Variants in TMCO4 observed in about 807,000 individuals in gnomAD.
TMCO4 encodes the protein transmembrane and coiled-coil domain-containing protein 4.
A neutral mutation model predicts 64.7 loss-of-function variants in TMCO4; 58 were observed. The ratio of observed to expected loss-of-function variants is 0.90; its 90% CI spans 0.73 to 1.12. The LOEUF (loss-of-function observed/expected upper bound fraction) is 1.12. Among genes scored for constraint, TMCO4 ranks in the 50% most tolerant of loss-of-function variants. The pLI, the probability that TMCO4 is intolerant of heterozygous loss-of-function variation, is 0.00. For missense variants in TMCO4, 780 were observed against 825.9 expected (o/e 0.94, Z 0.68); for synonymous variants, 325 against 346.1 (o/e 0.94, Z 0.68).
chr1:19,771,593 A>G, intron 4 of TMCO4, 111 bp from the exon 5 acceptor site: 1 of 1,055,038 alleles, frequency 9.5e-7, no homozygotes, highest in Non-Finnish European at 1.3e-6. Flanking sequence ...TGCCTGACTT[A>G]CTGACTGTGA....
At chr1:19,796,294 G>T (rs946973307) in intron 2 of TMCO4, among the ~76,000 whole-genome samples, 9 of 151,464 alleles carry the variant, frequency 5.9e-5, no homozygotes, top group African/African-American at 9.8e-5. Flanking sequence ...TTACTAAGGT[G>T]GGGGGTCAGG....
At position 19,683,357 on chromosome 1, in the gene TMCO4, C is replaced by G. The variant is rs559890694; in HGVS notation, c.1588G>C (p.Gly530Arg). ...AGGCAGCCTGGGGCCAGCAAGAGCC[C>G]CTTCTCGTCCCAGCCTGGCTTGGTG... is the stretch of plus-strand genomic sequence containing the variant. ...IRTKPGWDEKGLLLAPGCLPS... is the reference protein window; with the variant it reads ...IRTKPGWDEKRLLLAPGCLPS... The change falls in exon 16 of 16, where the codon GGG (glycine) becomes CGG (arginine). Residue 530 changes from glycine (G) to arginine (R), a missense_variant. Physicochemically the swap from Gly to Arg is moderately radical, Grantham distance 125. Coordinates refer to ENST00000294543, the MANE Select transcript of TMCO4 (RefSeq NM_181719.7). 3.7e-6 allele frequency: 6 copies of G among 1,614,002 alleles called. No individual in the cohort carries two copies. The highest frequency in any genetic ancestry group is 1.1e-5 in the South Asian group (1 of 91,082).
chr1:19,795,448 G>A (rs2044261667), intron 2 of TMCO4, among the ~76,000 whole-genome samples: 1 of 151,690 alleles, frequency 6.6e-6, no homozygotes, highest in Non-Finnish European at 1.5e-5. Flanking sequence ...CTCCAGCCTG[G>A]GTGACAAGAG....
chr1:19,728,010 C>T (rs762909123), intron 13 of TMCO4, among the ~76,000 whole-genome samples: 4 of 152,022 alleles, frequency 2.6e-5, no homozygotes, highest in East Asian at 1.9e-4. Flanking sequence ...ATGATGAGAA[C>T]GCATAAACAC....
intron 6 of TMCO4, among the ~76,000 whole-genome samples, chr1:19,760,365 T>A (rs796698115): frequency 8.7e-4 from 133 of 152,308 alleles, no homozygotes; most frequent in African/African-American, 3.0e-3. Flanking sequence ...AAGCCCTCCC[T>A]GACCCAGTCC....
At chr1:19,752,765 G>A (rs2042076925) in intron 7 of TMCO4, among the ~76,000 whole-genome samples, 1 of 151,876 alleles carries the variant, frequency 6.6e-6, no homozygotes, top group Non-Finnish European at 1.5e-5. Context: ...AGATGCTGCT[G>A]GCCAGCCATG....
At chr1:19,745,462 A>T in intron 10 of TMCO4, 70 bp downstream of exon 10, 1 of 1,606,120 alleles carries the variant, frequency 6.2e-7, no homozygotes, top group Non-Finnish European at 8.5e-7. Context: ...GCAGGTAAAA[A>T]CCTAGCCCAG....
intron 7 of TMCO4, among the ~76,000 whole-genome samples, chr1:19,751,355 C>T (rs1011250572): frequency 1.2e-4 from 18 of 151,938 alleles, no homozygotes; most frequent in African/African-American, 2.9e-4. Context: ...CCTAGCACTT[C>T]GGGAGGCTGT....
Position 19,743,206 on chromosome 1 carries a change from A to T in TMCO4, c.878-2265T>A, listed in dbSNP as rs13374470. On this transcript the variant is annotated intron_variant, in intron 10 of 15. Transcript: ENST00000294543. The surrounding 1 kb of genome is among the most constrained non-coding windows in gnomAD (Gnocchi z 4.1). ...CCTGACTAGCTGGGTGACCCTGGGC[A>T]CCCCTTATAAGCCTCAGTTTCCTCA... is the stretch of plus-strand genomic sequence containing the variant. Among the ~76,000 whole-genome samples, 1,345 of 152,214 alleles carry T rather than the reference A, an allele frequency of 8.8e-3. 12 individuals are homozygous for T. The highest frequency in any genetic ancestry group is 0.029 in the African/African-American group (1,197 of 41,534).
chr1:19,705,716 C>T (rs1383992450), intron 13 of TMCO4, among the ~76,000 whole-genome samples: 6 of 150,682 alleles, frequency 4.0e-5, no homozygotes, highest in Admixed American at 6.6e-5. Flanking sequence ...GTTCCTAGAA[C>T]GGGATGGTGT....
At chr1:19,700,633 C>T (rs957006271) in intron 14 of TMCO4, 135 bp downstream of exon 14, 18 of 831,578 alleles carry the variant, frequency 2.2e-5, no homozygotes, top group Middle Eastern at 2.4e-4. Context: ...CTAACAGGGC[C>T]GGTGCCCGGC....
chr1:19,736,590 A>G (rs1367534076), intron 13 of TMCO4, among the ~76,000 whole-genome samples: 1 of 151,690 alleles, frequency 6.6e-6, no homozygotes, highest in East Asian at 1.9e-4. Context: ...TCGGCAACTC[A>G]CTCTCCCAAC....
At chr1:19,686,830 G>C (rs552927319) in intron 15 of TMCO4, among the ~76,000 whole-genome samples, 10 of 152,362 alleles carry the variant, frequency 6.6e-5, no homozygotes, top group South Asian at 2.1e-4. Flanking sequence ...TCTGTAAAAT[G>C]AGAGTCATGA....
At chr1:19,762,479 C>T (rs531068835) in intron 6 of TMCO4, among the ~76,000 whole-genome samples, 2 of 152,348 alleles carry the variant, frequency 1.3e-5, no homozygotes, top group Admixed American at 6.5e-5. Flanking sequence ...CTGGAGCCAA[C>T]TGGTCCCCCT....
chr1:19,693,163 T>TCA (rs759177937), intron 15 of TMCO4, among the ~76,000 whole-genome samples: 2,424 of 11,258 alleles, frequency 0.22, 842 homozygotes, highest in Middle Eastern at 0.38. Flanking sequence ...AGACCCCATC[T>TCA]CAAAAAAAAA....
chr1:19,775,211 T>C (rs904589601), intron 4 of TMCO4, among the ~76,000 whole-genome samples: 2 of 152,136 alleles, frequency 1.3e-5, no homozygotes, highest in African/African-American at 4.8e-5. Flanking sequence ...ATTACAGATG[T>C]GCACCACCAC....
intron 2 of TMCO4, among the ~76,000 whole-genome samples, chr1:19,797,230 G>A (rs1286581953): frequency 1.3e-5 from 2 of 152,192 alleles, no homozygotes; most frequent in Non-Finnish European, 1.5e-5. Flanking sequence ...TCAGGGTGGT[G>A]TACAGGGTAC....
chr1:19,709,326 C>T (rs543455270), intron 13 of TMCO4, among the ~76,000 whole-genome samples: 5 of 149,418 alleles, frequency 3.3e-5, no homozygotes, highest in African/African-American at 1.2e-4. Context: ...CACTGCCTGA[C>T]CTCCCCTCCT....
At chr1:19,754,536 G>A (rs912429784) in intron 7 of TMCO4, among the ~76,000 whole-genome samples, 21 of 152,242 alleles carry the variant, frequency 1.4e-4, no homozygotes, top group Admixed American at 5.2e-4. Flanking sequence ...CAGGTGGGCT[G>A]ACCTCGGGTA....
Sources: gnomAD v4.1 joint callset for allele counts (sites outside exome capture counted in the v4.1 genomes callset) on GRCh38, gnomAD v4.1.1 for gene constraint, Gnocchi (gnomAD v3.1) non-coding constraint, MANE v1.5 for transcripts, NCBI Gene and HGNC (gene_info 2026-07-23, HGNC 2026-07-21) for gene names.